Variants in SETBP1 observed in about 807,000 individuals in gnomAD.
The protein encoded by SETBP1 is SET binding protein 1.
Under a neutral mutation model 101.0 loss-of-function variants are expected in SETBP1, and 9 were observed. That is an observed-to-expected ratio of 0.09 (90% confidence interval 0.05 to 0.16). The LOEUF is 0.16. Ranked by LOEUF, SETBP1 falls within the 10% of genes least tolerant of loss-of-function variation. SETBP1 has a pLI of 1.00. For synonymous variants in SETBP1, 818 were observed against 788.5 expected, an observed-to-expected ratio of 1.04 and a Z score of -0.63; for missense variants, 1,858 against 2,033.8, an observed-to-expected ratio of 0.91 and a Z score of 1.66.
chr18:44,914,527 T>C (rs1199364029), intron 3 of SETBP1, among the ~76,000 whole-genome samples: 3 of 152,226 alleles, frequency 2.0e-5, no homozygotes, highest in African/African-American at 7.2e-5. Flanking sequence ...ACGAATGGAT[T>C]TGGCATTCTA....
intron 3 of SETBP1, among the ~76,000 whole-genome samples, chr18:44,929,419 C>G (rs1423353477): frequency 2.0e-5 from 3 of 152,110 alleles, no homozygotes; most frequent in Non-Finnish European, 4.4e-5. Context: ...GCAATGTGGG[C>G]TCTTTTTTGG....
At chr18:44,895,946 C>G (rs1248660611) in intron 3 of SETBP1, among the ~76,000 whole-genome samples, 1 of 152,048 alleles carries the variant, frequency 6.6e-6, no homozygotes, top group African/African-American at 2.4e-5. Context: ...AAGTAAAAAT[C>G]ATTTCCCCAT....
chr18:44,899,631 G>A (rs2069991702), intron 3 of SETBP1, among the ~76,000 whole-genome samples: 1 of 152,074 alleles, frequency 6.6e-6, no homozygotes. Flanking sequence ...TTAGTGCTTG[G>A]TTTTTGCTAT....
At chr18:44,909,158 G>A (rs1464089750) in intron 3 of SETBP1, among the ~76,000 whole-genome samples, 3 of 152,198 alleles carry the variant, frequency 2.0e-5, no homozygotes, top group African/African-American at 7.2e-5. Context: ...GAGAAGGAAG[G>A]AGCAATTGAA....
At chr18:45,007,496 G>A (rs924053297) in intron 4 of SETBP1, among the ~76,000 whole-genome samples, 28 of 151,576 alleles carry the variant, frequency 1.8e-4, no homozygotes, top group African/African-American at 6.6e-4. Flanking sequence ...AGCCTATGAG[G>A]CCTCCAGGCC....
intron 4 of SETBP1, among the ~76,000 whole-genome samples, chr18:44,989,617 TA>T (rs1488117114): frequency 1.6e-4 from 24 of 150,768 alleles, no homozygotes; most frequent in Non-Finnish European, 2.4e-4. Context: ...CAAACAGGAT[TA>T]AAAAAAAATT....
At chr18:44,706,841 G>T (rs2144237977) in intron 2 of SETBP1, among the ~76,000 whole-genome samples, 1 of 152,266 alleles carries the variant, frequency 6.6e-6, no homozygotes, top group Admixed American at 6.5e-5. Flanking sequence ...TGGATCTGCA[G>T]TATGAATTTG....
At chr18:45,011,964 A>G (rs915091279) in intron 4 of SETBP1, among the ~76,000 whole-genome samples, 3 of 152,256 alleles carry the variant, frequency 2.0e-5, no homozygotes, top group African/African-American at 7.2e-5. Flanking sequence ...CTTTAAAAAA[A>G]GAAAAGATCC....
chr18:44,922,345 G>GCCAGAAC, intron 3 of SETBP1, among the ~76,000 whole-genome samples: 1 of 152,220 alleles, frequency 6.6e-6, no homozygotes, highest in African/African-American at 2.4e-5. Flanking sequence ...TAGAGCTAGA[G>GCCAGAAC]CCAGAACAAG....
chr18:45,016,150 C>G (rs775239726), intron 4 of SETBP1, among the ~76,000 whole-genome samples: 1 of 152,202 alleles, frequency 6.6e-6, no homozygotes, highest in Admixed American at 6.5e-5. Context: ...TTAGTTTGAG[C>G]TGTTGCCGAA....
chr18:44,941,958 C>A (rs2071098495), intron 3 of SETBP1, among the ~76,000 whole-genome samples: 1 of 152,034 alleles, frequency 6.6e-6, no homozygotes, highest in South Asian at 2.1e-4. Context: ...ATTGTGGGTC[C>A]CATTTGCCTG....
chr18:44,893,104 A>G (rs910427688), intron 3 of SETBP1, among the ~76,000 whole-genome samples: 2 of 152,162 alleles, frequency 1.3e-5, no homozygotes, highest in African/African-American at 4.8e-5. Context: ...TGGTCAAATG[A>G]CATTAACAGT....
chr18:44,801,495 G>A (rs1809587441), intron 2 of SETBP1, among the ~76,000 whole-genome samples: 1 of 152,142 alleles, frequency 6.6e-6, no homozygotes, highest in Admixed American at 6.5e-5. Context: ...CAGTTGAAGT[G>A]TGACATGAGT....
intron 2 of SETBP1, among the ~76,000 whole-genome samples, chr18:44,796,591 C>G (rs1259862814): frequency 2.0e-5 from 3 of 152,218 alleles, no homozygotes; most frequent in Non-Finnish European, 4.4e-5. Flanking sequence ...ATACAAGTCT[C>G]TCACATTACA....
At chr18:44,723,324 A>G (rs1282440205) in intron 2 of SETBP1, among the ~76,000 whole-genome samples, 2 of 152,102 alleles carry the variant, frequency 1.3e-5, no homozygotes, top group Non-Finnish European at 2.9e-5. Context: ...CTCCATAGCT[A>G]TTTGAGAGGG....
At chr18:45,007,088 T>C (rs531840890) in intron 4 of SETBP1, among the ~76,000 whole-genome samples, 24 of 152,284 alleles carry the variant, frequency 1.6e-4, no homozygotes, top group Non-Finnish European at 2.6e-4. Flanking sequence ...AACTGTGAAG[T>C]TGGGAAAGCT....
intron 4 of SETBP1, among the ~76,000 whole-genome samples, chr18:44,993,028 C>A (rs1028070869): frequency 6.6e-6 from 1 of 151,860 alleles, no homozygotes; most frequent in Admixed American, 6.6e-5. Context: ...ATACAATTCC[C>A]CATATTAACA....
chr18:44,728,016 T>C (rs2069754303), intron 2 of SETBP1, among the ~76,000 whole-genome samples: 1 of 152,190 alleles, frequency 6.6e-6, no homozygotes, highest in South Asian at 2.1e-4. Context: ...TGCTCTACCG[T>C]CACTTATTAG....
intron 1 of SETBP1, among the ~76,000 whole-genome samples, chr18:44,698,003 A>G (rs1320313104): frequency 6.6e-6 from 1 of 152,216 alleles, no homozygotes; most frequent in Non-Finnish European, 1.5e-5. Flanking sequence ...TATGTATAAC[A>G]TTGCTGTGGA....
Sources: allele counts gnomAD v4.1 joint callset (sites outside exome capture counted in the v4.1 genomes callset), GRCh38; gene constraint gnomAD v4.1.1; transcripts MANE v1.5; gene names NCBI Gene and HGNC (gene_info 2026-07-23, HGNC 2026-07-21).